KCNH7: variants seen among roughly 807,000 people sequenced by gnomAD.
KCNH7 encodes potassium voltage-gated channel subfamily H member 7.
A neutral mutation model predicts 120.8 loss-of-function variants in KCNH7; 49 were observed. The observed-to-expected ratio is 0.41, with a 90% CI of 0.32 to 0.51. The LOEUF (loss-of-function observed/expected upper bound fraction) is 0.51, where lower values mean the gene tolerates loss of function less well. Among genes scored for constraint, KCNH7 ranks in the 20% least tolerant of loss-of-function variants. The probability of loss-of-function intolerance (pLI) is 0.38; values close to 1 mark genes in which losing one functional copy is unlikely to be tolerated. For missense variants in KCNH7, 1,097 were observed against 1,446.6 expected (o/e 0.76, Z 3.92); for synonymous variants, 547 against 516.1 (o/e 1.06, Z -0.81).
At chr2:162,676,656 G>A (rs1299144362) in intron 2 of KCNH7, among the ~76,000 whole-genome samples, 1 of 151,386 alleles carries the variant, frequency 6.6e-6, no homozygotes, top group Non-Finnish European at 1.5e-5. Context: ...GAACTTTTGA[G>A]GCAATTTTTA....
intron 9 of KCNH7, among the ~76,000 whole-genome samples, chr2:162,401,165 T>A (rs1558926923): frequency 6.6e-6 from 1 of 151,904 alleles, no homozygotes; most frequent in Non-Finnish European, 1.5e-5. Flanking sequence ...TCAGGGCTAA[T>A]TTAAAACTTG....
intron 2 of KCNH7, among the ~76,000 whole-genome samples, chr2:162,638,875 C>A (rs1684051574): frequency 6.6e-6 from 1 of 152,152 alleles, no homozygotes; most frequent in Non-Finnish European, 1.5e-5. Context: ...CACTGGTGAA[C>A]TGCAAGCTAT....
At chr2:162,421,719 T>C (rs1460623323) in intron 9 of KCNH7, among the ~76,000 whole-genome samples, 1 of 152,178 alleles carries the variant, frequency 6.6e-6, no homozygotes, top group Non-Finnish European at 1.5e-5. Flanking sequence ...AAGTGGTATA[T>C]AAACCATATT....
intron 2 of KCNH7, among the ~76,000 whole-genome samples, chr2:162,610,718 G>A (rs1682935462): frequency 6.6e-6 from 1 of 152,090 alleles, no homozygotes; most frequent in African/African-American, 2.4e-5. Context: ...AATTATAACT[G>A]GGTTAATATT....
intron 2 of KCNH7, among the ~76,000 whole-genome samples, chr2:162,638,884 AT>A (rs1166584327): frequency 6.6e-6 from 1 of 152,162 alleles, no homozygotes. Context: ...ACTGCAAGCT[AT>A]TTTTAACATA....
At chr2:162,575,468 G>A (rs1054235330) in intron 2 of KCNH7, among the ~76,000 whole-genome samples, 15 of 151,958 alleles carry the variant, frequency 9.9e-5, no homozygotes, top group African/African-American at 3.1e-4. Context: ...CCTGCCTGCC[G>A]CAATTCCTGA....
Position 162,752,938 on chromosome 2 carries a change from GA to G in KCNH7, c.307+83598del, listed in dbSNP as rs1235258736. Among the ~76,000 whole-genome samples the G allele has an allele frequency of 2.2e-4, 20 of 92,388 alleles. No individual in the cohort carries two copies. The Middle Eastern group carries it at 0.017, about 78-fold the overall frequency. 60.6% of individuals were successfully genotyped at this position (92,388 alleles called of 152,430 possible). On this transcript the variant is annotated intron_variant, in intron 2 of 15. Transcript: ENST00000332142. Reference sequence around the variant, plus strand: ...GAAAAGAAAAGAAAAGAAAAGAAAAGAAAAGAAAAGAAAAGAAAAGAAAAGA... The same window carrying G: ...GAAAAGAAAAGAAAAGAAAAGAAAAGAAAGAAAAGAAAAGAAAAGAAAAGA...
At chr2:162,745,880 A>AG (rs1297191955) in intron 2 of KCNH7, among the ~76,000 whole-genome samples, 6 of 152,106 alleles carry the variant, frequency 3.9e-5, no homozygotes, top group Admixed American at 2.6e-4. Context: ...AAGAAAAAAA[A>AG]GTATTAAGGA....
At chr2:162,372,591 TACTTTC>T (rs140444590) in intron 15 of KCNH7, among the ~76,000 whole-genome samples, 12,831 of 152,124 alleles carry the variant, frequency 0.084, 1,735 homozygotes, top group African/African-American at 0.29. Flanking sequence ...AATTAATTTC[TACTTTC>T]AGATTTTTAG....
intron 3 of KCNH7, among the ~76,000 whole-genome samples, chr2:162,536,386 C>T (rs904062678): frequency 6.6e-6 from 1 of 151,910 alleles, no homozygotes; most frequent in Non-Finnish European, 1.5e-5. Flanking sequence ...TGAGGTACTA[C>T]TTCTCACTTA....
rs770314357 is a variant in KCNH7, at chr2:162,373,492, C to T, written c.3302G>A (p.Arg1101Gln). The T allele has an allele frequency of 9.0e-6, 14 of 1,551,490 alleles. No individual in the cohort carries two copies. Among genetic ancestry groups the T allele is most frequent in the East Asian group, 2.4e-5 (1 of 41,410 alleles). The change falls in exon 15 of 16, where the codon CGA (arginine) becomes CAA (glutamine). Residue 1101 changes from arginine (R) to glutamine (Q), a missense_variant. By Grantham distance (43) the Arg-to-Gln change is conservative. Around this residue, in one of 8 missense-constraint regions of KCNH7, gnomAD observed 406 missense variants for 410.5 expected, o/e 0.99. Coordinates refer to ENST00000332142, the MANE Select transcript of KCNH7 (RefSeq NM_033272.4). ...SQPEASIKTD[R>Q]SFSPSSQCPE... is the part of the protein sequence containing the mutation. ...TACTTGTGAGGAAGGGCTGAAACTT[C>T]GGTCAGTTTTGATGGATGCTTCCGG...
intron 6 of KCNH7, among the ~76,000 whole-genome samples, chr2:162,455,852 G>T (rs575408176): frequency 1.1e-4 from 16 of 151,946 alleles, no homozygotes; most frequent in African/African-American, 3.9e-4. Flanking sequence ...TCTAGCTAGT[G>T]GTCTATCTAT....
chr2:162,554,221 T>G (rs945289266), intron 2 of KCNH7, among the ~76,000 whole-genome samples: 38 of 152,186 alleles, frequency 2.5e-4, no homozygotes, highest in African/African-American at 8.9e-4. Context: ...CAAGACAACA[T>G]ATTGGGCATG....
intron 4 of KCNH7, among the ~76,000 whole-genome samples, chr2:162,514,872 C>A (rs1574051328): frequency 6.6e-6 from 1 of 151,640 alleles, no homozygotes; most frequent in Non-Finnish European, 1.5e-5. Flanking sequence ...ATTTAAAGTT[C>A]TGTGAAGATA....
chr2:162,629,339 A>G (rs1271891566), intron 2 of KCNH7, among the ~76,000 whole-genome samples: 1 of 151,924 alleles, frequency 6.6e-6, no homozygotes, highest in Non-Finnish European at 1.5e-5. Flanking sequence ...TCCCATTGCC[A>G]TTTCTTCCCC....
intron 9 of KCNH7, among the ~76,000 whole-genome samples, chr2:162,410,949 A>G (rs1310609539): frequency 6.6e-6 from 1 of 152,128 alleles, no homozygotes; most frequent in Admixed American, 6.6e-5. Flanking sequence ...TCTGAAAACA[A>G]TAGATATTGG....
Position 162,442,583 on chromosome 2 carries a change from G to A in KCNH7, c.1554+3435C>T, listed in dbSNP as rs555574688. Among the ~76,000 whole-genome samples, 11 of 152,102 alleles carry A rather than the reference G, an allele frequency of 7.2e-5. No homozygotes were observed. The East Asian group carries it at 2.1e-3, about 30-fold the overall frequency. On this transcript the variant is annotated intron_variant, in intron 7 of 15. Coordinates refer to ENST00000332142, the MANE Select transcript of KCNH7 (RefSeq NM_033272.4). ...TGGATAGAAAACATTTTAGGGCCGG[G>A]CACACTGGCTCACGCCTGTAATTCC...
At chr2:162,372,220 C>T (rs533124129) in intron 15 of KCNH7, 125 bp from the exon 16 acceptor site, 2 of 737,316 alleles carry the variant, frequency 2.7e-6, no homozygotes, top group South Asian at 2.0e-5. Flanking sequence ...GTGATATTAG[C>T]CAACATTTCC....
chr2:162,748,936 T>G (rs980344459), intron 2 of KCNH7, among the ~76,000 whole-genome samples: 1 of 75,268 alleles, frequency 1.3e-5, no homozygotes, highest in Non-Finnish European at 2.4e-5. Context: ...CTTTCCTTCC[T>G]TCCTTCCTTC....
Sources: allele counts gnomAD v4.1 joint callset (sites outside exome capture counted in the v4.1 genomes callset), GRCh38; gene constraint gnomAD v4.1.1; regional missense constraint gnomAD v4.1.1; transcripts MANE v1.5; gene names NCBI Gene and HGNC (gene_info 2026-07-23, HGNC 2026-07-21).